The following TMTC3 variants were observed in gnomAD, a reference collection of about 807,000 sequenced individuals.
TMTC3 encodes transmembrane O-mannosyltransferase targeting cadherins 3, also known as protein O-mannosyl-transferase TMTC3.
TMTC3 carries 52 observed loss-of-function variants against 92.2 expected under a neutral mutation model. That is an observed-to-expected ratio of 0.56 (90% CI 0.45 to 0.71). The LOEUF (loss-of-function observed/expected upper bound fraction) is 0.71. Among genes scored for constraint, TMTC3 ranks in the 30% least tolerant of loss-of-function variants. TMTC3 has a pLI of 0.00. For missense variants in TMTC3, 896 were observed against 1,057.1 expected (o/e 0.85, Z 2.11); for synonymous variants, 339 against 363.3 (o/e 0.93, Z 0.76).
At position 88,198,975 on chromosome 12, in the gene TMTC3, A is replaced by G. The variant is rs959764068; in HGVS notation, c.*3326A>G. 6.6e-6 allele frequency: 1 copy of G among 152,112 alleles called. No individual in the cohort carries two copies. Among genetic ancestry groups the G allele is most frequent in the Non-Finnish European group, 1.5e-5 (1 of 67,972 alleles). The allele number at this position is 152,112 out of a possible 1,614,324, so 9.4% of individuals were successfully genotyped here. On this transcript the variant is annotated 3_prime_UTR_variant, in exon 14 of 14. Coordinates refer to ENST00000266712, the MANE Select transcript of TMTC3 (RefSeq NM_181783.4). ...TGTATGCATTTTATATTACTATGGT[A>G]TCTGTGTACCATATTTCTAAGTATT...
chr12:88,177,025 G>T (rs2041267109), intron 10 of TMTC3, among the ~76,000 whole-genome samples: 1 of 151,926 alleles, frequency 6.6e-6, no homozygotes, highest in Non-Finnish European at 1.5e-5. Flanking sequence ...GAGGGTTTTG[G>T]CTTTTTTAAA....
chr12:88,194,162 C>G (rs1004419476), intron 13 of TMTC3, among the ~76,000 whole-genome samples: 1 of 152,110 alleles, frequency 6.6e-6, no homozygotes, highest in African/African-American at 2.4e-5. Flanking sequence ...TTTGAGGTTA[C>G]AGTGACCTGT....
Position 88,166,330 on chromosome 12 carries a change from G to A in TMTC3, c.798G>A (p.Arg266=). The A allele has an allele frequency of 6.2e-7, 1 of 1,612,486 alleles. No homozygotes were observed. The highest frequency in any genetic ancestry group is 8.5e-7 in the Non-Finnish European group (1 of 1,179,404). Residue 266 remains arginine, a splice_region_variant and synonymous_variant, in exon 7 of 14, where the codon AGG becomes AGA. Coordinates refer to ENST00000266712, the MANE Select transcript of TMTC3 (RefSeq NM_181783.4). ...VIQSQLPVFT[R]FDNPAAVSPT... The stretch of plus-strand genomic sequence containing the variant: ...ATCTTTTTTTTAATCCTTTATACAG[G>A]TTTGATAACCCAGCTGCTGTAAGCC...
chr12:88,175,147 C>A (rs2041245415), intron 9 of TMTC3, among the ~76,000 whole-genome samples: 1 of 149,506 alleles, frequency 6.7e-6, no homozygotes. Context: ...TAATCGATGG[C>A]ATCAATTCAG....
chr12:88,154,678 C>G (rs1453576108), intron 4 of TMTC3, among the ~76,000 whole-genome samples: 1 of 152,118 alleles, frequency 6.6e-6, no homozygotes, highest in Non-Finnish European at 1.5e-5. Context: ...CTAGTTCCAT[C>G]TTCTGTTATC....
chr12:88,190,870 CTCTG>C (rs1268663153), intron 12 of TMTC3, among the ~76,000 whole-genome samples: 4 of 152,142 alleles, frequency 2.6e-5, no homozygotes, highest in African/African-American at 9.7e-5. Context: ...GTAGAAGCAG[CTCTG>C]TCTTAGTTGC....
intron 6 of TMTC3, 124 bp downstream of exon 6, chr12:88,160,975 T>G: frequency 1.1e-6 from 1 of 908,942 alleles, no homozygotes; most frequent in East Asian, 2.7e-5. Flanking sequence ...ATAATTAACA[T>G]TTTTTAAACT....
Position 88,153,436 on chromosome 12 carries a change from A to G in TMTC3, c.335A>G (p.Lys112Arg), listed in dbSNP as rs77028313. The G allele has an allele frequency of 2.2e-3, 3,600 of 1,613,684 alleles. 72 individuals carry two copies. The East Asian group carries it at 0.052, about 23-fold the overall frequency. ...VVSVIFLKVCKLFLDNKSSVI... is the reference protein window; with the variant it reads ...VVSVIFLKVCRLFLDNKSSVI... ...AGTGTGATATTTCTCAAAGTATGCA[A>G]ACTTTTTCTGGACAACAAGAGTAGT... The change falls in exon 3 of 14, where the codon AAA becomes AGA. Residue 112 changes from lysine (K) to arginine (R), a missense_variant. Coordinates refer to ENST00000266712, the MANE Select transcript of TMTC3 (RefSeq NM_181783.4).
intron 2 of TMTC3, 108 bp downstream of exon 2, chr12:88,148,612 T>C (rs2040904401): frequency 2.5e-6 from 2 of 810,870 alleles, no homozygotes; most frequent in Non-Finnish European, 3.7e-6. Flanking sequence ...CAGTTACAGA[T>C]TTTTAACCCT....
intron 10 of TMTC3, among the ~76,000 whole-genome samples, chr12:88,182,993 A>G (rs1335454065): frequency 6.6e-6 from 1 of 152,194 alleles, no homozygotes; most frequent in African/African-American, 2.4e-5. Context: ...CCTATAGGTT[A>G]CAAATTAGCA....
intron 2 of TMTC3, among the ~76,000 whole-genome samples, chr12:88,152,101 A>G (rs990270689): frequency 6.6e-6 from 1 of 152,202 alleles, no homozygotes; most frequent in Non-Finnish European, 1.5e-5. Flanking sequence ...ATGGATGCGT[A>G]TATTAGTCTG....
In TMTC3 at chr12:88,166,430, C is replaced by G; in HGVS notation, c.898C>G (p.Leu300Val). The G allele has an allele frequency of 1.2e-6, 2 of 1,613,854 alleles. No homozygotes were observed. The change falls in exon 7 of 14, where the codon CTC becomes GTC. Residue 300 changes from leucine to valine, a missense_variant. Physicochemically the swap from Leu to Val is conservative, Grantham distance 32. Transcript: ENST00000266712. ...TTGGTTGTTATTAAATCCTTCAGAG[C>G]TCTGCTGTGATTGGACCATGGGAAC... ...NAWLLLNPSE[L>V]CCDWTMGTIP...
chr12:88,167,263 G>A (rs888984180), intron 7 of TMTC3, among the ~76,000 whole-genome samples: 1 of 152,046 alleles, frequency 6.6e-6, no homozygotes, highest in Non-Finnish European at 1.5e-5. Flanking sequence ...GGGTAGCTGG[G>A]TGTGGTAGTG....
chr12:88,142,923 A>T (rs1415316696), intron 1 of TMTC3, among the ~76,000 whole-genome samples: 1 of 152,112 alleles, frequency 6.6e-6, no homozygotes, highest in Non-Finnish European at 1.5e-5. Context: ...GGGTGGAGAG[A>T]GAAGGGATCC....
rs144374516 is a variant in TMTC3, at chr12:88,152,983, G to A, written c.190-308G>A. 7.2e-5 allele frequency among the ~76,000 whole-genome samples: 11 copies of A among 152,138 alleles called. No homozygotes were observed. The South Asian group carries it at 1.5e-3, about 20-fold the overall frequency. ...CCTGTGCTCTAACTTGACCAATGCC[G>A]GCATTGTCTTTTTTTAAAATTGTTA... On this transcript the variant is annotated intron_variant, in intron 2 of 13. Transcript: ENST00000266712.
intron 7 of TMTC3, among the ~76,000 whole-genome samples, chr12:88,169,778 A>G (rs1254742032): frequency 6.6e-6 from 1 of 152,040 alleles, no homozygotes; most frequent in East Asian, 1.9e-4. Flanking sequence ...ACCTCTAAAA[A>G]AAATTTTTAA....
Position 88,198,325 on chromosome 12 carries a change from T to C in TMTC3, c.*2676T>C, listed in dbSNP as rs1401598622. On this transcript the variant is annotated 3_prime_UTR_variant, in exon 14 of 14. Transcript: ENST00000266712. ...ATATGGAAGTTTGGAAAAGAGAGCT[T>C]ATCACAGGTTTGTATGCTGGTGAAT... 2 of 398,028 alleles carry C rather than the reference T, an allele frequency of 5.0e-6. No individual in the cohort carries two copies. Among genetic ancestry groups the C allele is most frequent in the Non-Finnish European group, 8.9e-6 (2 of 225,640 alleles). 24.7% of individuals were successfully genotyped at this position (398,028 alleles called of 1,614,324 possible).
intron 2 of TMTC3, among the ~76,000 whole-genome samples, chr12:88,152,766 G>A (rs2040958361): frequency 6.6e-6 from 1 of 152,128 alleles, no homozygotes; most frequent in African/African-American, 2.4e-5. Flanking sequence ...GGAATTCCTA[G>A]TTTAATATAT....
intron 4 of TMTC3, 45 bp from the exon 5 acceptor site, chr12:88,160,069 A>G (rs1737554114): frequency 1.5e-6 from 2 of 1,299,210 alleles, no homozygotes; most frequent in Non-Finnish European, 2.2e-6. Flanking sequence ...TTGATATTAT[A>G]AAATTGTTTT....
Sources: gnomAD v4.1 joint callset for allele counts (sites outside exome capture counted in the v4.1 genomes callset) on GRCh38, gnomAD v4.1.1 for gene constraint, MANE v1.5 for transcripts, NCBI Gene and HGNC (gene_info 2026-07-23, HGNC 2026-07-21) for gene names.